Variants in NMD3 observed in about 807,000 individuals in gnomAD.
NMD3 encodes the protein NMD3 ribosome export adaptor, also known as 60S ribosomal export protein NMD3.
NMD3 carries 47 observed loss-of-function variants against 73.1 expected under a neutral mutation model. The ratio of observed to expected loss-of-function variants is 0.64; its 90% CI spans 0.51 to 0.82. The LOEUF is 0.82. Among genes scored for constraint, NMD3 ranks in the 40% least tolerant of loss-of-function variants. NMD3 has a pLI of 0.00. For synonymous variants in NMD3, 210 were observed against 194.5 expected (o/e 1.08, Z -0.66); for missense variants, 554 against 612.5 (o/e 0.90, Z 1.01).
Position 161,241,167 on chromosome 3 carries a change from A to G in NMD3, c.871+4A>G. 9 of 1,522,264 alleles carry G rather than the reference A, an allele frequency of 5.9e-6. No individual in the cohort carries two copies. The highest frequency in any genetic ancestry group is 7.3e-6 in the Non-Finnish European group (8 of 1,100,452). The allele number at this position is 1,522,264 out of a possible 1,614,324, so 94.3% of individuals were successfully genotyped here. A position where few individuals can be genotyped will look rare whatever the true frequency, so the allele number is the denominator to read the frequency against. ...ATTGATCCAAACACCCTACAAGGTA[A>G]ATTCTGGAAATGATTTGCCTTGACA... On this transcript the variant is annotated splice_donor_region_variant and intron_variant, in intron 10 of 15. Transcript: ENST00000351193.
intron 2 of NMD3, among the ~76,000 whole-genome samples, chr3:161,223,877 T>C (rs1457643608): frequency 2.6e-5 from 4 of 152,242 alleles, no homozygotes; most frequent in Non-Finnish European, 5.9e-5. Flanking sequence ...TAACAGTGCT[T>C]CTCAAATTTT....
chr3:161,249,583 T>G, intron 14 of NMD3, 23 bp downstream of exon 14: 94 of 1,354,672 alleles, frequency 6.9e-5, no homozygotes, highest in Non-Finnish European at 8.7e-5. Flanking sequence ...TTTAAATCTC[T>G]TATGTTGTCT....
chr3:161,235,305 G>T, intron 7 of NMD3, 93 bp downstream of exon 7: 51 of 458,932 alleles, frequency 1.1e-4, no homozygotes, highest in Non-Finnish European at 1.3e-4. Flanking sequence ...ATCTGGATTA[G>T]TACTGTCCAA....
chr3:161,248,126 T>A (rs1161993473), intron 13 of NMD3, among the ~76,000 whole-genome samples: 2 of 152,136 alleles, frequency 1.3e-5, no homozygotes, highest in African/African-American at 4.8e-5. Flanking sequence ...AATCCAAGAT[T>A]TATTGTGATT....
intron 13 of NMD3, among the ~76,000 whole-genome samples, chr3:161,248,859 G>A (rs572614118): frequency 3.9e-5 from 6 of 152,224 alleles, no homozygotes; most frequent in African/African-American, 1.4e-4. Context: ...CAAGGACTCC[G>A]ACCACCTGCC....
rs1737456448 is a variant in NMD3, at chr3:161,250,820, A to G, written c.1422A>G (p.Gly474=). The G allele has an allele frequency of 6.2e-7, 1 of 1,611,570 alleles. No homozygotes were observed. Among genetic ancestry groups the G allele is most frequent in the African/African-American group, 1.3e-5 (1 of 74,886 alleles). ...IPVESDTDDE[G]APRISLAEML... ...TGGAAAGTGACACCGATGATGAAGG[A>G]GCACCTCGAATTAGTCTGGCTGAGA... The change falls in exon 16 of 16, where the codon GGA becomes GGG. Residue 474 remains glycine, a synonymous_variant. Coordinates refer to ENST00000351193, the MANE Select transcript of NMD3 (RefSeq NM_015938.5).
At position 161,250,342 on chromosome 3, in the gene NMD3, G is replaced by C. The variant is rs754476006; in HGVS notation, c.1381+16G>C. On this transcript the variant is annotated intron_variant, in intron 15 of 15. Transcript: ENST00000351193. ...ATTTACAGAGGTTGGTGTTCTAGGA[G>C]TGTTTAAGTCATTTGTTCTGTATAT... The C allele has an allele frequency of 6.6e-7, 1 of 1,516,058 alleles. No homozygotes were observed. Among genetic ancestry groups the C allele is most frequent in the African/African-American group, 1.4e-5 (1 of 72,908 alleles). 93.9% of individuals were successfully genotyped at this position (1,516,058 alleles called of 1,614,324 possible).
intron 3 of NMD3, 72 bp from the exon 4 acceptor site, chr3:161,227,175 C>G: frequency 1.1e-6 from 1 of 898,738 alleles, no homozygotes; most frequent in Admixed American, 2.1e-5. Context: ...TGGGTTATAT[C>G]TGTGTATTCA....
chr3:161,253,302 C>T (rs1459755969), downstream of NMD3: 1 of 152,146 alleles, frequency 6.6e-6, no homozygotes, highest in African/African-American at 2.4e-5. Flanking sequence ...TAAATGTGCT[C>T]ACATTGAGTC....
chr3:161,249,270 A>G (rs1338602256), intron 13 of NMD3, among the ~76,000 whole-genome samples, 184 bp from the exon 14 acceptor site: 2 of 152,228 alleles, frequency 1.3e-5, no homozygotes, highest in Middle Eastern at 3.2e-3. Flanking sequence ...ATCCATTCTC[A>G]TAAAAAGTTA....
intron 4 of NMD3, among the ~76,000 whole-genome samples, chr3:161,229,398 C>T (rs1034399608): frequency 1.3e-5 from 2 of 152,152 alleles, no homozygotes; most frequent in Non-Finnish European, 2.9e-5. Flanking sequence ...AAGGTAGTAA[C>T]ATTTACTGAT....
Position 161,238,737 on chromosome 3 carries a change from G to A in NMD3, c.664G>A (p.Ala222Thr). Reference sequence around the variant, plus strand: ...TAACTTTTTTCTTAATAGATACAAAGCATCACAAAGACTGATCTCTCAAGA... The same window carrying A: ...TAACTTTTTTCTTAATAGATACAAAACATCACAAAGACTGATCTCTCAAGA... ...LQCTVPCRYK[A>T]SQRLISQDIH... The change falls in exon 9 of 16, where the codon GCA becomes ACA. Residue 222 changes from alanine to threonine, a missense_variant. Transcript: ENST00000351193. 6.6e-7 allele frequency: 1 copy of A among 1,509,196 alleles called. No homozygotes were observed. Among genetic ancestry groups the A allele is most frequent in the South Asian group, 1.1e-5 (1 of 87,932 alleles). The allele number at this position is 1,509,196 out of a possible 1,614,324, so 93.5% of individuals were successfully genotyped here.
chr3:161,234,959 G>A (rs1306468438), intron 6 of NMD3, 104 bp downstream of exon 6: 1 of 1,186,402 alleles, frequency 8.4e-7, no homozygotes, highest in Non-Finnish European at 1.2e-6. Context: ...GGTCCCTGAA[G>A]CATTCACCTT....
At chr3:161,222,152 A>G in intron 2 of NMD3, 95 bp downstream of exon 2, 1 of 960,616 alleles carries the variant, frequency 1.0e-6, no homozygotes, top group Non-Finnish European at 1.7e-6. Context: ...TGGGTGGGAA[A>G]GAGCGTATAT....
At chr3:161,233,950 A>G (rs1736641259) in intron 5 of NMD3, among the ~76,000 whole-genome samples, 1 of 152,188 alleles carries the variant, frequency 6.6e-6, no homozygotes, top group African/African-American at 2.4e-5. Context: ...AAAATGTTCC[A>G]GTGAACATTT....
At chr3:161,223,672 G>C (rs145497503) in intron 2 of NMD3, among the ~76,000 whole-genome samples, 2 of 152,172 alleles carry the variant, frequency 1.3e-5, no homozygotes, top group Non-Finnish European at 2.9e-5. Context: ...CTAAGCTATG[G>C]TCCTCTGTAT....
At chr3:161,226,704 A>G (rs964869295) in intron 3 of NMD3, among the ~76,000 whole-genome samples, 1 of 152,350 alleles carries the variant, frequency 6.6e-6, no homozygotes, top group Non-Finnish European at 1.5e-5. Context: ...TAAAGCACAT[A>G]TGTAAGAGAT....
At chr3:161,221,714 T>A (rs958677810) in intron 1 of NMD3, 12 of 256,354 alleles carry the variant, frequency 4.7e-5, no homozygotes, top group African/African-American at 2.7e-4. Context: ...TCGTCCAGGG[T>A]TGGAGCCCAG....
At chr3:161,242,454 A>G (rs1442079707) in intron 10 of NMD3, 54 bp from the exon 11 acceptor site, 6 of 1,515,016 alleles carry the variant, frequency 4.0e-6, no homozygotes, top group Non-Finnish European at 5.4e-6. Context: ...AATACATTTG[A>G]TAATTGAAAT....
Sources: gnomAD v4.1 joint callset for allele counts (sites outside exome capture counted in the v4.1 genomes callset) on GRCh38, gnomAD v4.1.1 for gene constraint, MANE v1.5 for transcripts, NCBI Gene and HGNC (gene_info 2026-07-23, HGNC 2026-07-21) for gene names.